Variants in PI4K2B observed in about 807,000 individuals in gnomAD.
The protein encoded by PI4K2B is phosphatidylinositol 4-kinase type 2-beta.
In PI4K2B, 46 loss-of-function variants were observed where a neutral mutation model predicts 56.6. The observed-to-expected ratio is 0.81, with a 90% CI of 0.64 to 1.04. PI4K2B has a LOEUF of 1.04. Among genes scored for constraint, PI4K2B ranks in the 50% least tolerant of loss-of-function variants. The pLI, the probability that PI4K2B is intolerant of heterozygous loss-of-function variation, is 0.00. For synonymous variants in PI4K2B, 211 were observed against 223.8 expected, an observed-to-expected ratio of 0.94 and a Z score of 0.51; for missense variants, 556 against 607.7, an observed-to-expected ratio of 0.91 and a Z score of 0.89.
intron 1 of PI4K2B, among the ~76,000 whole-genome samples, chr4:25,238,095 G>A (rs1203616136): frequency 7.9e-5 from 12 of 152,150 alleles, no homozygotes; most frequent in Admixed American, 7.9e-4. Context: ...AACAGAATAA[G>A]AAAATCATTT....
chr4:25,259,764 G>A (rs2109017777), intron 5 of PI4K2B, among the ~76,000 whole-genome samples: 1 of 152,152 alleles, frequency 6.6e-6, no homozygotes, highest in African/African-American at 2.4e-5. Context: ...AATTTTTGTT[G>A]GGCCACATTC....
intron 2 of PI4K2B, among the ~76,000 whole-genome samples, chr4:25,253,442 A>G (rs972864261): frequency 6.6e-6 from 1 of 152,196 alleles, no homozygotes; most frequent in Non-Finnish European, 1.5e-5. Context: ...TTTGGCAAAG[A>G]TAGAAGTTCT....
At chr4:25,249,696 C>T (rs917297008) in intron 1 of PI4K2B, among the ~76,000 whole-genome samples, 4 of 151,276 alleles carry the variant, frequency 2.6e-5, no homozygotes, top group African/African-American at 7.3e-5. Context: ...GGTTCCCAGA[C>T]GGGGTGGCGG....
rs148103443 is a variant in PI4K2B, at chr4:25,242,183, A to C, written c.268+7752A>C. The stretch of plus-strand genomic sequence containing the variant: ...AGGCAAAGCTGGGCCTTCGACCTAG[A>C]CACCTTGTACCCTTGATTAGCTAGA... On this transcript the variant is annotated intron_variant, in intron 1 of 9. Transcript: ENST00000264864. Among the ~76,000 whole-genome samples the C allele has an allele frequency of 7.8e-3, 1,189 of 152,294 alleles. 14 individuals are homozygous for C. Among genetic ancestry groups the C allele is most frequent in the Middle Eastern group, 0.027 (8 of 294 alleles).
intron 6 of PI4K2B, among the ~76,000 whole-genome samples, chr4:25,262,437 T>C (rs1244764232): frequency 1.3e-5 from 2 of 152,242 alleles, no homozygotes; most frequent in African/African-American, 2.4e-5. Flanking sequence ...GAAAATTCTT[T>C]TGCTCTAAGT....
In PI4K2B at chr4:25,252,486, C is replaced by A; in HGVS notation, c.423+11C>A. ...AAGGATCCTAAGAGGGTGAGAATTT[C>A]ACAGACCTATTATATGTAATGGAAA... On this transcript the variant is annotated intron_variant, in intron 2 of 9. Coordinates refer to ENST00000264864, the MANE Select transcript of PI4K2B (RefSeq NM_018323.4). The A allele has an allele frequency of 6.5e-7, 1 of 1,548,058 alleles. No individual in the cohort carries two copies. Among genetic ancestry groups the A allele is most frequent in the Non-Finnish European group, 8.9e-7 (1 of 1,120,480 alleles).
chr4:25,279,202 C>CTTTTTTTT (rs11346220), exon 10 of PI4K2B: 1 of 97,978 alleles, frequency 1.0e-5, no homozygotes, highest in Non-Finnish European at 1.8e-5. Context: ...TAGTTTAATT[C>CTTTTTTTT]TTTTTTTTTT....
intron 1 of PI4K2B, 40 bp from the exon 2 acceptor site, chr4:25,252,281 T>A (rs763715094): frequency 6.7e-7 from 1 of 1,502,308 alleles, no homozygotes; most frequent in South Asian, 1.1e-5. Context: ...CAGGTCCATA[T>A]CATGAGCATT....
intron 9 of PI4K2B, among the ~76,000 whole-genome samples, chr4:25,272,467 A>G (rs1716936976): frequency 6.6e-6 from 1 of 152,250 alleles, no homozygotes; most frequent in Middle Eastern, 3.4e-3. Context: ...GTACATGACT[A>G]TGTAGCTCTC....
At chr4:25,254,950 T>G (rs765890196) in intron 2 of PI4K2B, 115 bp from the exon 3 acceptor site, 6 of 672,590 alleles carry the variant, frequency 8.9e-6, no homozygotes, top group South Asian at 1.8e-5. Context: ...AGTTTGGGGA[T>G]TTATGCCTAC....
At chr4:25,253,159 T>C (rs930307158) in intron 2 of PI4K2B, among the ~76,000 whole-genome samples, 1 of 152,198 alleles carries the variant, frequency 6.6e-6, no homozygotes, top group African/African-American at 2.4e-5. Context: ...TCCAAAGTAC[T>C]TGATTTTTTT....
intron 3 of PI4K2B, 49 bp from the exon 4 acceptor site, chr4:25,256,494 G>C (rs900523737): frequency 2.0e-5 from 32 of 1,562,086 alleles, no homozygotes; most frequent in Non-Finnish European, 2.7e-5. Context: ...TATGAAAAGA[G>C]ATACTATAAT....
intron 9 of PI4K2B, among the ~76,000 whole-genome samples, chr4:25,276,014 T>C (rs186263323): frequency 6.6e-6 from 1 of 152,342 alleles, no homozygotes; most frequent in Non-Finnish European, 1.5e-5. Context: ...GAAGTTTATT[T>C]ATTAGTATGG....
At chr4:25,258,227 T>TTTTTTTTTTTTG (rs58366884) in intron 4 of PI4K2B, among the ~76,000 whole-genome samples, 1 of 150,050 alleles carries the variant, frequency 6.7e-6, no homozygotes, top group Non-Finnish European at 1.5e-5. Flanking sequence ...TTTTTTTTTT[T>TTTTTTTTTTTTG]GAGACAGTCT....
At chr4:25,257,759 A>C (rs1037754049) in intron 4 of PI4K2B, among the ~76,000 whole-genome samples, 1 of 152,212 alleles carries the variant, frequency 6.6e-6, no homozygotes, top group Non-Finnish European at 1.5e-5. Flanking sequence ...AGTGGGCAGG[A>C]AGTTTGAAAG....
chr4:25,239,404 G>A (rs1485534449), intron 1 of PI4K2B, among the ~76,000 whole-genome samples: 1 of 152,186 alleles, frequency 6.6e-6, no homozygotes, highest in Admixed American at 6.5e-5. Flanking sequence ...GGCAGCTAAG[G>A]CCCAGTGAGA....
chr4:25,267,669 C>A, intron 7 of PI4K2B: 1 of 505,530 alleles, frequency 2.0e-6, no homozygotes, highest in Non-Finnish European at 2.6e-6. Context: ...ACCTTACACT[C>A]TTGCAGGAAT....
intron 7 of PI4K2B, among the ~76,000 whole-genome samples, chr4:25,265,096 G>A (rs538331305): frequency 8.6e-4 from 128 of 148,280 alleles, no homozygotes; most frequent in African/African-American, 2.7e-3. Flanking sequence ...TCGGGAGGCC[G>A]AGGCAGGAGA....
In PI4K2B at chr4:25,277,008, C is replaced by T. The variant is rs757627494; in HGVS notation, c.1273-6C>T. 61 of 1,535,590 alleles carry T rather than the reference C, an allele frequency of 4.0e-5. No individual in the cohort carries two copies. In the East Asian group the frequency reaches 1.3e-3, roughly 34 times the overall value. On this transcript the variant is annotated splice_polypyrimidine_tract_variant and splice_region_variant and intron_variant, in intron 9 of 9. Coordinates refer to ENST00000264864, the MANE Select transcript of PI4K2B (RefSeq NM_018323.4). ...AAATTGGTAAAAATCTCTCTTCTTCCCACAGATCTTAAACCTTACTCAGGC... is the reference window on the plus strand; with the variant it reads ...AAATTGGTAAAAATCTCTCTTCTTCTCACAGATCTTAAACCTTACTCAGGC...
Sources: allele counts gnomAD v4.1 joint callset (sites outside exome capture counted in the v4.1 genomes callset), GRCh38; gene constraint gnomAD v4.1.1; transcripts MANE v1.5; gene names NCBI Gene and HGNC (gene_info 2026-07-23, HGNC 2026-07-21).